Variants in MMP26 observed in about 807,000 individuals in gnomAD.
MMP26 encodes matrix metalloproteinase-26.
In MMP26, 33 loss-of-function variants were observed where a neutral mutation model predicts 31.0. The observed-to-expected ratio is 1.06, with a 90% CI of 0.81 to 1.42. MMP26 has a LOEUF of 1.42. Among genes scored for constraint, MMP26 ranks in the 40% most tolerant of loss-of-function variants. The pLI is 0.00. For synonymous variants in MMP26, 122 were observed against 114.9 expected (o/e 1.06, Z -0.40); for missense variants, 347 against 316.1 (o/e 1.10, Z -0.74).
At chr11:4,881,373 C>T (rs1850460568) in intron 2 of MMP26, among the ~76,000 whole-genome samples, 1 of 152,092 alleles carries the variant, frequency 6.6e-6, no homozygotes. Flanking sequence ...CTTTTGCACC[C>T]CCAAATGCCC....
intron 2 of MMP26, among the ~76,000 whole-genome samples, chr11:4,866,522 A>G (rs1850236607): frequency 6.6e-6 from 1 of 152,204 alleles, no homozygotes; most frequent in Non-Finnish European, 1.5e-5. Context: ...AGCAATTTAT[A>G]GATTCAATGC....
intron 2 of MMP26, among the ~76,000 whole-genome samples, chr11:4,827,878 A>G (rs1246234442): frequency 6.6e-6 from 1 of 151,094 alleles, no homozygotes; most frequent in East Asian, 1.9e-4. Flanking sequence ...TGTAATTTTT[A>G]TCATAGTTCT....
intron 2 of MMP26, among the ~76,000 whole-genome samples, chr11:4,789,832 G>C (rs912765473): frequency 9.2e-5 from 14 of 151,694 alleles, no homozygotes; most frequent in African/African-American, 3.4e-4. Context: ...AGGTGTGAAG[G>C]ATATCCCTTT....
intron 2 of MMP26, chr11:4,903,915 A>T (rs74054652): frequency 6.6e-6 from 1 of 152,108 alleles, no homozygotes; most frequent in Non-Finnish European, 1.5e-5. Context: ...GTGTGTGTGC[A>T]TACATGAAGA....
rs148568209 is a variant in MMP26, at chr11:4,881,908, A to G, written c.-144-106160A>G. 3 of 1,612,062 alleles carry G rather than the reference A, an allele frequency of 1.9e-6. No individual in the cohort carries two copies. In the African/African-American group the frequency reaches 4.0e-5, roughly 22 times the overall value. On this transcript the variant is annotated intron_variant, in intron 2 of 7. Transcript: ENST00000380390. Reference sequence around the variant, plus strand: ...AGTGTCTTCAACCAACCATGGCAATATTCAATAACACCACTTCGTCTTCCT... The same window carrying G: ...AGTGTCTTCAACCAACCATGGCAATGTTCAATAACACCACTTCGTCTTCCT...
chr11:4,786,502 T>TA (rs1274446706), intron 2 of MMP26, among the ~76,000 whole-genome samples: 13,644 of 121,946 alleles, frequency 0.11, 971 homozygotes, highest in Middle Eastern at 0.2. Context: ...CCTTTTTTTT[T>TA]TTTTTTTTTT....
intron 1 of MMP26, among the ~76,000 whole-genome samples, chr11:4,743,761 A>C (rs1221212723): frequency 6.6e-6 from 1 of 152,190 alleles, no homozygotes; most frequent in African/African-American, 2.4e-5. Context: ...TTATTTTAAC[A>C]ACAGAATTAT....
intron 2 of MMP26, chr11:4,907,858 A>C: frequency 1.2e-6 from 2 of 1,613,824 alleles, no homozygotes; most frequent in Non-Finnish European, 8.5e-7. Context: ...CCTTCACCTT[A>C]AGGAGATTAA....
intron 2 of MMP26, among the ~76,000 whole-genome samples, chr11:4,941,810 G>A (rs1274340668): frequency 3.3e-5 from 5 of 151,744 alleles, no homozygotes; most frequent in Admixed American, 2.0e-4. Context: ...AACCTGCTAG[G>A]TGCCGTGGCT....
At chr11:4,744,749 A>G (rs1392387199) in intron 1 of MMP26, among the ~76,000 whole-genome samples, 1 of 152,206 alleles carries the variant, frequency 6.6e-6, no homozygotes, top group African/African-American at 2.4e-5. Flanking sequence ...TCTTTAAAAA[A>G]ATTTTATTAG....
chr11:4,744,722 C>T (rs1366292324), intron 1 of MMP26, among the ~76,000 whole-genome samples: 3 of 152,090 alleles, frequency 2.0e-5, no homozygotes, highest in Admixed American at 6.5e-5. Context: ...CTTATTCTCC[C>T]GTGTGGTTTC....
intron 2 of MMP26, among the ~76,000 whole-genome samples, chr11:4,968,071 C>T (rs1483668289): frequency 1.3e-5 from 2 of 151,992 alleles, no homozygotes; most frequent in African/African-American, 4.8e-5. Flanking sequence ...TTCATGAATC[C>T]ATTCAGTTCT....
chr11:4,859,032 A>G (rs1034767354), intron 2 of MMP26, among the ~76,000 whole-genome samples: 2 of 152,240 alleles, frequency 1.3e-5, no homozygotes, highest in Admixed American at 6.5e-5. Flanking sequence ...TAGAAAGCTG[A>G]AACTGGATCC....
intron 2 of MMP26, among the ~76,000 whole-genome samples, chr11:4,812,876 T>A (rs1312542316): frequency 3.3e-5 from 5 of 152,146 alleles, no homozygotes; most frequent in Non-Finnish European, 7.4e-5. Context: ...GATGTGTGTG[T>A]GTGTAATTTA....
intron 2 of MMP26, chr11:4,794,075 T>C (rs1295875557): frequency 6.6e-6 from 1 of 152,144 alleles, no homozygotes; most frequent in Non-Finnish European, 1.5e-5. Context: ...ATGACAAATA[T>C]ATCAAATCCA....
intron 2 of MMP26, among the ~76,000 whole-genome samples, chr11:4,939,589 T>C (rs1426142942): frequency 2.6e-5 from 4 of 152,164 alleles, no homozygotes; most frequent in African/African-American, 9.7e-5. Flanking sequence ...TCATTTTTAA[T>C]TACCTGTCAA....
chr11:4,792,250 C>G (rs1360876719), intron 2 of MMP26, among the ~76,000 whole-genome samples: 2 of 151,250 alleles, frequency 1.3e-5, no homozygotes, highest in East Asian at 3.9e-4. Flanking sequence ...AAGACAGACA[C>G]AACCTGAAAG....
chr11:4,899,052 A>T (rs190390367), intron 2 of MMP26, among the ~76,000 whole-genome samples: 4 of 152,276 alleles, frequency 2.6e-5, no homozygotes, highest in Non-Finnish European at 4.4e-5. Context: ...CCCTTGCATT[A>T]ACCAGTAACT....
chr11:4,914,882 A>G lies in MMP26; in HGVS notation c.-144-73186A>G. 1 of 1,614,138 alleles carries G rather than the reference A, an allele frequency of 6.2e-7. No homozygotes were observed. The highest frequency in any genetic ancestry group is 8.5e-7 in the Non-Finnish European group (1 of 1,180,004). ...AAAGCGATGGATGACAGAGAGGCCA[A>G]TCATGGGAGTGTAGAAGAGCAGCAC... On this transcript the variant is annotated intron_variant, in intron 2 of 7. Coordinates refer to ENST00000380390, the MANE Select transcript of MMP26 (RefSeq NM_021801.5).
Sources: gnomAD v4.1 joint callset for allele counts (sites outside exome capture counted in the v4.1 genomes callset) on GRCh38, gnomAD v4.1.1 for gene constraint, MANE v1.5 for transcripts, NCBI Gene and HGNC (gene_info 2026-07-23, HGNC 2026-07-21) for gene names.